USP46: variants seen among roughly 807,000 people sequenced by gnomAD.
USP46 encodes the protein ubiquitin specific peptidase 46.
A neutral mutation model predicts 44.4 loss-of-function variants in USP46; 12 were observed. The ratio of observed to expected loss-of-function variants is 0.27; its 90% CI spans 0.17 to 0.44. The LOEUF is 0.44. Among genes scored for constraint, USP46 ranks in the 20% least tolerant of loss-of-function variants. The probability of loss-of-function intolerance (pLI) is 1.00; values close to 1 mark genes in which losing one functional copy is unlikely to be tolerated. For missense variants in USP46, 248 were observed against 444.8 expected (o/e 0.56, Z 3.98); for synonymous variants, 155 against 161.5 (o/e 0.96, Z 0.31).
chr4:52,603,128 A>T (rs1020592862), intron 6 of USP46, among the ~76,000 whole-genome samples: 3 of 152,262 alleles, frequency 2.0e-5, no homozygotes, highest in African/African-American at 7.2e-5. Context: ...AACAGTAGAG[A>T]AATAAGAAGT....
chr4:52,651,313 G>A (rs1300221235), intron 1 of USP46, among the ~76,000 whole-genome samples: 1 of 152,054 alleles, frequency 6.6e-6, no homozygotes, highest in Non-Finnish European at 1.5e-5. Context: ...GTAGAAGGAG[G>A]AGGGAACACT....
intron 6 of USP46, among the ~76,000 whole-genome samples, chr4:52,602,943 G>A (rs1716534824): frequency 6.6e-6 from 1 of 152,052 alleles, no homozygotes; most frequent in South Asian, 2.1e-4. Flanking sequence ...TAGAATAGAG[G>A]GTCTTCCAGT....
chr4:52,621,125 T>C (rs777808023), intron 4 of USP46, among the ~76,000 whole-genome samples: 1 of 152,128 alleles, frequency 6.6e-6, no homozygotes, highest in Non-Finnish European at 1.5e-5. Flanking sequence ...AAAGAACAGA[T>C]AGATAAAAAC....
At chr4:52,657,279 C>T (rs1718989070) in intron 1 of USP46, among the ~76,000 whole-genome samples, 1 of 152,080 alleles carries the variant, frequency 6.6e-6, no homozygotes, top group South Asian at 2.1e-4. Flanking sequence ...AGGTCCTCCC[C>T]ACACCCTGTC....
chr4:52,656,546 G>C, intron 1 of USP46: 1 of 1,404,502 alleles, frequency 7.1e-7, no homozygotes, highest in Non-Finnish European at 9.2e-7. Flanking sequence ...GTCTGAAATG[G>C]CATGATCTCC....
Position 52,601,100 on chromosome 4 carries a change from C to G in USP46, c.920+757G>C, listed in dbSNP as rs536909006. 2.5e-3 allele frequency among the ~76,000 whole-genome samples: 374 copies of G among 152,294 alleles called. 2 individuals carry two copies. The highest frequency in any genetic ancestry group is 8.5e-3 in the African/African-American group (355 of 41,558). ...TGTATTCACCATAATCCGACCTTAA[C>G]AGATGGAGGAGAAAGACTCTTGCTC... On this transcript the variant is annotated intron_variant, in intron 7 of 8. Coordinates refer to ENST00000441222, the MANE Select transcript of USP46 (RefSeq NM_022832.4).
chr4:52,659,082 C>G lies in USP46; in HGVS notation c.36+33G>C. 2 of 1,548,182 alleles carry G rather than the reference C, an allele frequency of 1.3e-6. No homozygotes were observed. Among genetic ancestry groups the G allele is most frequent in the South Asian group, 1.2e-5 (1 of 83,592 alleles). On this transcript the variant is annotated intron_variant, in intron 1 of 8. Transcript: ENST00000441222. This position sits in a 1 kb window ranked among gnomAD's most constrained non-coding sequence, Gnocchi z 4.2. ...TCCCTTTCTTTGCCTCGCCGCGAGT[C>G]GGGCGCGACCCCGAGGCGGCTCGGC...
chr4:52,613,033 C>A (rs1197786089), intron 4 of USP46, among the ~76,000 whole-genome samples: 2 of 152,174 alleles, frequency 1.3e-5, no homozygotes, highest in Admixed American at 6.5e-5. Flanking sequence ...AAACTAAAAG[C>A]AGCTACCTGA....
rs1214540565 is a variant in USP46, at chr4:52,637,328, C to T, written c.37-6184G>A. On this transcript the variant is annotated intron_variant, in intron 1 of 8. Coordinates refer to ENST00000441222, the MANE Select transcript of USP46 (RefSeq NM_022832.4). ...CCACTCACATGGCTTCAATCAGCTG[C>T]TACATGCCAACCATTTCCAACTCTT... 2.6e-5 allele frequency among the ~76,000 whole-genome samples: 4 copies of T among 152,318 alleles called. No individual in the cohort carries two copies. In the East Asian group the frequency reaches 5.8e-4, roughly 22 times the overall value.
chr4:52,627,891 A>G (rs1717653967), intron 3 of USP46, 59 bp downstream of exon 3: 3 of 1,528,996 alleles, frequency 2.0e-6, no homozygotes, highest in South Asian at 2.4e-5. Context: ...GAGGAGATAC[A>G]GAACCATCAA....
At position 52,609,898 on chromosome 4, in the gene USP46, C is replaced by CTTTTTTTTTTTTT. The variant is rs66817554; in HGVS notation, c.638+630_638+642dup. On this transcript the variant is annotated intron_variant, in intron 5 of 8. Coordinates refer to ENST00000441222, the MANE Select transcript of USP46 (RefSeq NM_022832.4). ...GGAAACCTAAACCTCAATTCTATTT[C>CTTTTTTTTTTTTT]TTTTTTTTTTTTTTTTTTTTTTTTT... is the stretch of plus-strand genomic sequence containing the variant. Among the ~76,000 whole-genome samples, 27 of 24,588 alleles carry CTTTTTTTTTTTTT rather than the reference C, an allele frequency of 1.1e-3. 6 individuals carry two copies. The highest frequency in any genetic ancestry group is 1.8e-3 in the Non-Finnish European group (22 of 12,206). 16.1% of individuals were successfully genotyped at this position (24,588 alleles called of 152,430 possible). A position where few individuals can be genotyped will look rare whatever the true frequency, so the allele number is the denominator to read the frequency against.
chr4:52,605,539 T>G (rs1716654921), intron 5 of USP46, among the ~76,000 whole-genome samples: 1 of 152,216 alleles, frequency 6.6e-6, no homozygotes, highest in Non-Finnish European at 1.5e-5. Flanking sequence ...GTTAAATGAT[T>G]CTACCACTTA....
intron 7 of USP46, among the ~76,000 whole-genome samples, chr4:52,599,754 T>G (rs1367179243): frequency 6.6e-6 from 1 of 152,288 alleles, no homozygotes; most frequent in Middle Eastern, 3.4e-3. Context: ...CTTCCCCCTC[T>G]GTTTACCCTC....
chr4:52,600,148 G>C (rs1716409589), intron 7 of USP46, among the ~76,000 whole-genome samples: 1 of 152,152 alleles, frequency 6.6e-6, no homozygotes, highest in Non-Finnish European at 1.5e-5. Flanking sequence ...AGTCTTTCCA[G>C]ATAGATTATA....
chr4:52,598,645 C>G lies in USP46; in HGVS notation c.982G>C (p.Asp328His), dbSNP rs1263943079. The G allele has an allele frequency of 6.2e-7, 1 of 1,610,048 alleles. No homozygotes were observed. The highest frequency in any genetic ancestry group is 1.1e-5 in the South Asian group (1 of 89,532). Reference protein sequence around the residue: ...VKSHGFWLLFDDDIVEKIDAQ... With the variant: ...VKSHGFWLLFHDDIVEKIDAQ... ...AAACCAACCTCTACAATGTCATCAT[C>G]AAACAAAAGCCAGAAGCCGTGACTT... The change falls in exon 8 of 9, where the codon GAT becomes CAT. Residue 328 changes from aspartate (D) to histidine (H), a missense_variant. Physicochemically the swap from Asp to His is moderately conservative, Grantham distance 81. This residue lies in a region of USP46 where 98 missense variants were observed against 218.2 expected (regional missense o/e 0.45). Coordinates refer to ENST00000441222, the MANE Select transcript of USP46 (RefSeq NM_022832.4).
In USP46 at chr4:52,626,769, G is replaced by A. The variant is rs9998304; in HGVS notation, c.332-522C>T. 6.6e-3 allele frequency among the ~76,000 whole-genome samples: 998 copies of A among 151,890 alleles called. 10 individuals are homozygous for A. The highest frequency in any genetic ancestry group is 0.018 in the African/African-American group (731 of 41,408). On this transcript the variant is annotated intron_variant, in intron 3 of 8. Coordinates refer to ENST00000441222, the MANE Select transcript of USP46 (RefSeq NM_022832.4). ...CCATGCACCAAGAACAAAATTTCCC[G>A]TATCTCCCTAAAGTCATCACATTTA...
intron 5 of USP46, among the ~76,000 whole-genome samples, chr4:52,605,367 T>C (rs1201781225): frequency 2.6e-5 from 4 of 152,208 alleles, no homozygotes; most frequent in Admixed American, 2.6e-4. Context: ...TTTCCAGCCA[T>C]CAAGATTCTA....
chr4:52,598,428 T>C, intron 8 of USP46, 200 bp downstream of exon 8: 1 of 575,368 alleles, frequency 1.7e-6, no homozygotes, highest in Non-Finnish European at 3.1e-6. Context: ...GAACACAGCG[T>C]CAGTGAGTCC....
chr4:52,651,225 G>C (rs1417286638), intron 1 of USP46: 1 of 151,876 alleles, frequency 6.6e-6, no homozygotes, highest in Non-Finnish European at 1.5e-5. Context: ...TTTTTTAAGA[G>C]GCTGAGGTTA....
Sources: gnomAD v4.1 joint callset for allele counts (sites outside exome capture counted in the v4.1 genomes callset) on GRCh38, gnomAD v4.1.1 for gene constraint, gnomAD v4.1.1 regional missense constraint, Gnocchi (gnomAD v3.1) non-coding constraint, MANE v1.5 for transcripts, NCBI Gene and HGNC (gene_info 2026-07-23, HGNC 2026-07-21) for gene names.